ZNF184: variants seen among roughly 807,000 people sequenced by gnomAD.
ZNF184 encodes the protein zinc finger protein 184, also known as zinc finger protein 184 (Kruppel-like).
Under a neutral mutation model 54.4 loss-of-function variants are expected in ZNF184, and 16 were observed. That is an observed-to-expected ratio of 0.29 (90% confidence interval 0.20 to 0.45). The LOEUF is 0.45. Among genes scored for constraint, ZNF184 ranks in the 20% least tolerant of loss-of-function variants. ZNF184 has a pLI of 1.00. For synonymous variants in ZNF184, 254 were observed against 295.3 expected, an observed-to-expected ratio of 0.86 and a Z score of 1.43; for missense variants, 681 against 888.2, an observed-to-expected ratio of 0.77 and a Z score of 2.97.
chr6:27,439,731 C>G, the ZNF184 span, among the ~76,000 whole-genome samples: 1 of 152,294 alleles, frequency 6.6e-6, no homozygotes, highest in East Asian at 1.9e-4. Flanking sequence ...TAATCTCTTT[C>G]TGTGCCTAGT....
chr6:27,447,058 T>A (rs1762645330), downstream of ZNF184, among the ~76,000 whole-genome samples: 1 of 142,362 alleles, frequency 7.0e-6, no homozygotes, highest in Admixed American at 7.2e-5. Flanking sequence ...GGCAGGAGAT[T>A]GTGCCACTGC....
At chr6:27,457,016 G>T in intron 4 of ZNF184, 95 bp from the exon 5 acceptor site, 1 of 1,215,674 alleles carries the variant, frequency 8.2e-7, no homozygotes, top group Non-Finnish European at 1.2e-6. Flanking sequence ...GAAATGATAT[G>T]TAGTAAAAAC....
chr6:27,404,079 G>A, the ZNF184 span: 5 of 152,062 alleles, frequency 3.3e-5, no homozygotes, highest in South Asian at 6.2e-4. Context: ...TCAAGATGGC[G>A]AACAAGATAC....
chr6:27,471,659 G>T (rs1044913381), intron 2 of ZNF184, among the ~76,000 whole-genome samples: 3 of 152,194 alleles, frequency 2.0e-5, no homozygotes, highest in Admixed American at 6.5e-5. Context: ...CAAAAGAAGT[G>T]AGGCTATATT....
rs61602778 is a variant in ZNF184, at chr6:27,465,016, C to CAAAAAAAAAAAAAAA, written c.75+2822_75+2836dup. On this transcript the variant is annotated intron_variant, in intron 3 of 5. Transcript: ENST00000683788. Reference sequence around the variant, plus strand: ...TGGGCGACAGAGCAAGACTCTGTCTCAAAAAAAAAAAAAAAAAAAAATAGA... The same window carrying CAAAAAAAAAAAAAAA: ...TGGGCGACAGAGCAAGACTCTGTCTCAAAAAAAAAAAAAAAAAAAAAAAAAAAAAAAAAAAATAGA... 4.7e-4 allele frequency among the ~76,000 whole-genome samples: 23 copies of CAAAAAAAAAAAAAAA among 48,918 alleles called. 4 individuals are homozygous for CAAAAAAAAAAAAAAA. The highest frequency in any genetic ancestry group is 2.4e-3 in the African/African-American group (21 of 8,698). The allele number at this position is 48,918 out of a possible 152,430, so 32.1% of individuals were successfully genotyped here.
In ZNF184 at chr6:27,451,187, G is replaced by A. The variant is rs1273965685; in HGVS notation, c.*116C>T. The A allele has an allele frequency of 1.6e-6, 2 of 1,259,314 alleles. No homozygotes were observed. Among genetic ancestry groups the A allele is most frequent in the African/African-American group, 1.5e-5 (1 of 66,660 alleles). 78.0% of individuals were successfully genotyped at this position (1,259,314 alleles called of 1,614,324 possible). On this transcript the variant is annotated 3_prime_UTR_variant, in exon 6 of 6. Coordinates refer to ENST00000683788, the MANE Select transcript of ZNF184 (RefSeq NM_001318891.2). ...GTACTTTCCATTCCATAACATGATAGTGAAAATTTAAAAGATTTCAAGGCA... is the reference window on the plus strand; with the variant it reads ...GTACTTTCCATTCCATAACATGATAATGAAAATTTAAAAGATTTCAAGGCA...
At chr6:27,457,100 CT>C (rs760915504) in intron 4 of ZNF184, among the ~76,000 whole-genome samples, 179 bp from the exon 5 acceptor site, 3 of 152,110 alleles carry the variant, frequency 2.0e-5, no homozygotes, top group Non-Finnish European at 4.4e-5. Flanking sequence ...AATTTGGGAA[CT>C]GATCGGGGTT....
intron 3 of ZNF184, among the ~76,000 whole-genome samples, chr6:27,464,930 T>C (rs1763086074): frequency 7.0e-6 from 1 of 142,110 alleles, no homozygotes; most frequent in East Asian, 2.1e-4. Flanking sequence ...GGCAGGATAA[T>C]GGCGTGAACC....
At chr6:27,445,008 T>C in the ZNF184 span, among the ~76,000 whole-genome samples, 2 of 152,124 alleles carry the variant, frequency 1.3e-5, no homozygotes, top group South Asian at 4.1e-4. Context: ...GTGGTGGGAG[T>C]GTAAATTGGT....
rs1447906616 is a variant in ZNF184, at chr6:27,453,267, G to T, written c.299-7C>A. The T allele has an allele frequency of 2.6e-6, 4 of 1,562,528 alleles. No individual in the cohort carries two copies. The highest frequency in any genetic ancestry group is 3.4e-6 in the Non-Finnish European group (4 of 1,160,950). ...TCAAGTCTTGTCTCCCAGTCTAAAA[G>T]AAAAAGAAAATTCCAGTGTTCTCTG... On this transcript the variant is annotated splice_region_variant and splice_polypyrimidine_tract_variant and intron_variant, in intron 5 of 5. Coordinates refer to ENST00000683788, the MANE Select transcript of ZNF184 (RefSeq NM_001318891.2). This position sits in a 1 kb window ranked among gnomAD's most constrained non-coding sequence, Gnocchi z 4.7.
downstream of ZNF184, chr6:27,450,676 A>C (rs1762691989): frequency 6.6e-6 from 1 of 151,946 alleles, no homozygotes; most frequent in South Asian, 2.1e-4. Context: ...GTAAAATAAC[A>C]CCAGTTTAAG....
the ZNF184 span, chr6:27,408,011 T>A: frequency 8.1e-7 from 1 of 1,236,220 alleles, no homozygotes; most frequent in Non-Finnish European, 1.2e-6. Flanking sequence ...TATTTGTTCA[T>A]CTCTTGGTTA....
chr6:27,469,416 G>A (rs1763218124), intron 2 of ZNF184, among the ~76,000 whole-genome samples: 1 of 152,208 alleles, frequency 6.6e-6, no homozygotes, highest in Non-Finnish European at 1.5e-5. Context: ...GCTGAGGCGG[G>A]CGGATCACAA....
At chr6:27,423,728 T>C in the ZNF184 span, among the ~76,000 whole-genome samples, 2 of 138,064 alleles carry the variant, frequency 1.4e-5, no homozygotes, top group Non-Finnish European at 3.4e-5. Flanking sequence ...TTTATATATC[T>C]ATATACAAAG....
chr6:27,439,520 T>C, the ZNF184 span, among the ~76,000 whole-genome samples: 4 of 152,186 alleles, frequency 2.6e-5, no homozygotes, highest in African/African-American at 9.7e-5. Context: ...AAACTCCTTC[T>C]GAGGTATTGT....
At chr6:27,422,140 C>CAAAA in the ZNF184 span, among the ~76,000 whole-genome samples, 4 of 29,350 alleles carry the variant, frequency 1.4e-4, no homozygotes, top group Non-Finnish European at 1.9e-4. Context: ...GGCCGTACCT[C>CAAAA]AAAAAAAAAA....
the ZNF184 span, among the ~76,000 whole-genome samples, chr6:27,424,086 A>T: frequency 2.0e-5 from 3 of 152,032 alleles, no homozygotes; most frequent in Non-Finnish European, 4.4e-5. Context: ...GTTCCTTTTG[A>T]TGTTTAGATG....
chr6:27,469,651 A>C (rs959908296), intron 2 of ZNF184, among the ~76,000 whole-genome samples: 11 of 152,178 alleles, frequency 7.2e-5, no homozygotes, highest in Non-Finnish European at 1.5e-4. Context: ...AAAAACAAAA[A>C]AAAAAAATTT....
At chr6:27,428,266 G>T in the ZNF184 span, among the ~76,000 whole-genome samples, 146 of 152,260 alleles carry the variant, frequency 9.6e-4, no homozygotes, top group Non-Finnish European at 1.1e-3. This position sits in a 1 kb window ranked among gnomAD's most constrained non-coding sequence, Gnocchi z 4.1. Context: ...ATCTGTGTGG[G>T]CAAAGCAGTT....
Sources: gnomAD v4.1 joint callset for allele counts (sites outside exome capture counted in the v4.1 genomes callset) on GRCh38, gnomAD v4.1.1 for gene constraint, Gnocchi (gnomAD v3.1) non-coding constraint, MANE v1.5 for transcripts, NCBI Gene and HGNC (gene_info 2026-07-23, HGNC 2026-07-21) for gene names.